SLC36A1: variants seen among roughly 807,000 people sequenced by gnomAD.
The protein encoded by SLC36A1 is solute carrier family 36 member 1, also known as proton-coupled amino acid transporter 1.
A neutral mutation model predicts 47.5 loss-of-function variants in SLC36A1; 30 were observed. That is an observed-to-expected ratio of 0.63 (90% CI 0.47 to 0.86). The LOEUF is 0.86. Among genes scored for constraint, SLC36A1 ranks in the 40% least tolerant of loss-of-function variants. SLC36A1 has a pLI of 0.00. For missense variants in SLC36A1, 517 were observed against 606.0 expected (o/e 0.85, Z 1.54); for synonymous variants, 255 against 249.7 (o/e 1.02, Z -0.20).
the SLC36A1 span, among the ~76,000 whole-genome samples, chr5:151,506,451 AAC>A: frequency 1.3e-5 from 2 of 150,154 alleles, no homozygotes; most frequent in African/African-American, 2.4e-5. Flanking sequence ...AACTGAAGGA[AAC>A]ACACACACAG....
intron 10 of SLC36A1, among the ~76,000 whole-genome samples, chr5:151,486,411 C>G (rs1245630337): frequency 6.6e-6 from 1 of 152,192 alleles, no homozygotes; most frequent in East Asian, 1.9e-4. Flanking sequence ...CCACATGTCT[C>G]TCATCTTACT....
chr5:151,498,857 C>A, the SLC36A1 span, among the ~76,000 whole-genome samples: 1 of 152,252 alleles, frequency 6.6e-6, no homozygotes, highest in African/African-American at 2.4e-5. Flanking sequence ...TCAGTCAGAA[C>A]TTTACAGCTC....
intron 7 of SLC36A1, among the ~76,000 whole-genome samples, chr5:151,469,681 A>T (rs1301788566): frequency 2.6e-5 from 4 of 152,016 alleles, no homozygotes; most frequent in Non-Finnish European, 5.9e-5. Flanking sequence ...CTATTTCCTA[A>T]TTTCATAGAG....
At chr5:151,505,319 T>A in the SLC36A1 span, 8 of 558,608 alleles carry the variant, frequency 1.4e-5, no homozygotes, top group East Asian at 2.5e-4. Context: ...TTTTCCAGGG[T>A]CACTGCTCTA....
At chr5:151,538,031 C>T in the SLC36A1 span, 22 of 1,241,742 alleles carry the variant, frequency 1.8e-5, no homozygotes, top group South Asian at 2.5e-4. Flanking sequence ...CTGAGGGAGG[C>T]AGAAGCAGAA....
At chr5:151,401,971 G>T in the SLC36A1 span, among the ~76,000 whole-genome samples, 1 of 152,124 alleles carries the variant, frequency 6.6e-6, no homozygotes. Flanking sequence ...CTATTTGGAT[G>T]CCTTTTATTT....
the SLC36A1 span, among the ~76,000 whole-genome samples, chr5:151,541,922 C>T: frequency 2.6e-5 from 4 of 152,230 alleles, no homozygotes; most frequent in African/African-American, 4.8e-5. Context: ...TAAAGACAGT[C>T]GCTTGACAGA....
the SLC36A1 span, among the ~76,000 whole-genome samples, chr5:151,509,024 TTCTC>T: frequency 6.6e-6 from 1 of 152,142 alleles, no homozygotes. Flanking sequence ...CAAAGTCTCT[TTCTC>T]TCTAGGATTC....
chr5:151,370,238 A>G, the SLC36A1 span, among the ~76,000 whole-genome samples: 2 of 152,250 alleles, frequency 1.3e-5, no homozygotes, highest in African/African-American at 4.8e-5. Context: ...CTTTTCCCCA[A>G]GAGTCTGGGC....
the SLC36A1 span, among the ~76,000 whole-genome samples, chr5:151,535,522 T>C: frequency 6.6e-6 from 1 of 151,958 alleles, no homozygotes; most frequent in Non-Finnish European, 1.5e-5. Flanking sequence ...AGGGAGGACA[T>C]GGGAGCCCCT....
chr5:151,543,061 G>A, the SLC36A1 span: 60 of 1,613,982 alleles, frequency 3.7e-5, no homozygotes, highest in South Asian at 4.4e-5. Flanking sequence ...AGAAAATTTC[G>A]GTAAGGATAC....
the SLC36A1 span, among the ~76,000 whole-genome samples, chr5:151,555,024 G>A: frequency 2.6e-5 from 4 of 152,182 alleles, no homozygotes; most frequent in Non-Finnish European, 5.9e-5. Context: ...TAAGTTGCTC[G>A]ATTAGAGAAA....
At chr5:151,539,813 A>G in the SLC36A1 span, among the ~76,000 whole-genome samples, 2 of 152,190 alleles carry the variant, frequency 1.3e-5, no homozygotes, top group African/African-American at 4.8e-5. Flanking sequence ...TACACACCCC[A>G]CTCAACATTT....
intron 10 of SLC36A1, among the ~76,000 whole-genome samples, chr5:151,481,412 T>C (rs1381992160): frequency 1.3e-5 from 2 of 152,238 alleles, no homozygotes; most frequent in South Asian, 2.1e-4. Context: ...GCAACTTAAA[T>C]GTATTTATGC....
the SLC36A1 span, chr5:151,546,177 G>T: frequency 1.4e-5 from 22 of 1,614,158 alleles, no homozygotes; most frequent in Non-Finnish European, 1.9e-5. Flanking sequence ...CTGAGGGATA[G>T]ACATGAATGA....
At chr5:151,376,427 T>C in the SLC36A1 span, among the ~76,000 whole-genome samples, 1 of 152,170 alleles carries the variant, frequency 6.6e-6, no homozygotes, top group South Asian at 2.1e-4. Flanking sequence ...TTAGTTCTGC[T>C]CTAATCTTTA....
At chr5:151,542,343 T>C in the SLC36A1 span, 67 of 1,613,812 alleles carry the variant, frequency 4.2e-5, no homozygotes, top group Non-Finnish European at 5.4e-5. Context: ...CCAGGGTCTT[T>C]AGAGTCGCCA....
intron 10 of SLC36A1, among the ~76,000 whole-genome samples, chr5:151,484,153 C>T: frequency 6.6e-6 from 1 of 152,294 alleles, no homozygotes; most frequent in East Asian, 1.9e-4. Context: ...CTCCACTTAA[C>T]TATCATGAAG....
chr5:151,518,355 T>G, the SLC36A1 span, among the ~76,000 whole-genome samples: 1 of 128,412 alleles, frequency 7.8e-6, no homozygotes, highest in African/African-American at 2.6e-5. Flanking sequence ...TCTCTAATAA[T>G]AATAATAATA....
Sources: gnomAD v4.1 joint callset for allele counts (sites outside exome capture counted in the v4.1 genomes callset) on GRCh38, gnomAD v4.1.1 for gene constraint, MANE v1.5 for transcripts, NCBI Gene and HGNC (gene_info 2026-07-23, HGNC 2026-07-21) for gene names.